The following TMOD1 variants were observed in gnomAD, a reference collection of about 807,000 sequenced individuals.
TMOD1 encodes the protein tropomodulin 1.
A neutral mutation model predicts 40.6 loss-of-function variants in TMOD1; 17 were observed. The observed-to-expected ratio is 0.42, with a 90% CI of 0.29 to 0.63. TMOD1 has a LOEUF of 0.63. Ranked by LOEUF, TMOD1 falls within the 20% of genes least tolerant of loss-of-function variation. TMOD1 has a pLI of 0.22. For synonymous variants in TMOD1, 181 were observed against 175.0 expected (o/e 1.03, Z -0.27); for missense variants, 391 against 447.6 (o/e 0.87, Z 1.14).
chr9:97,579,089 G>T (rs540676771), intron 8 of TMOD1, among the ~76,000 whole-genome samples: 1 of 152,136 alleles, frequency 6.6e-6, no homozygotes, highest in Admixed American at 6.5e-5. Context: ...CAGAGGGGCC[G>T]GTGGAATTTC....
At chr9:97,522,447 A>ATCTG (rs1177047263) in intron 1 of TMOD1, among the ~76,000 whole-genome samples, 1 of 152,210 alleles carries the variant, frequency 6.6e-6, no homozygotes, top group Non-Finnish European at 1.5e-5. Flanking sequence ...AACTACTTAT[A>ATCTG]TCTGCAATGA....
At chr9:97,539,005 AAAAACAAAAC>A (rs372211723) in intron 2 of TMOD1, among the ~76,000 whole-genome samples, 4,562 of 152,034 alleles carry the variant, frequency 0.03, 223 homozygotes, top group African/African-American at 0.11. Flanking sequence ...ACTCCATCTC[AAAAACAAAAC>A]AAAACAAAAC....
chr9:97,514,855 C>T (rs1829775173), intron 1 of TMOD1, among the ~76,000 whole-genome samples: 1 of 152,224 alleles, frequency 6.6e-6, no homozygotes, highest in South Asian at 2.1e-4. Flanking sequence ...TGGATCGGGG[C>T]AGACAAGAAG....
At chr9:97,506,315 G>A (rs1253743625) in intron 1 of TMOD1, among the ~76,000 whole-genome samples, 1 of 152,102 alleles carries the variant, frequency 6.6e-6, no homozygotes, top group Admixed American at 6.5e-5. Flanking sequence ...CCCTGAGGAC[G>A]AGGTTTCTGA....
intron 2 of TMOD1, among the ~76,000 whole-genome samples, chr9:97,529,066 G>T (rs57410156): frequency 6.6e-6 from 1 of 152,240 alleles, no homozygotes; most frequent in Non-Finnish European, 1.5e-5. Flanking sequence ...GAGCCACTGC[G>T]TGTGGGTCTG....
chr9:97,545,113 G>A (rs1830341328), intron 2 of TMOD1, among the ~76,000 whole-genome samples: 1 of 152,070 alleles, frequency 6.6e-6, no homozygotes. Context: ...AGCCACCCAT[G>A]TATTCCTCTA....
chr9:97,564,184 T>G lies in TMOD1; in HGVS notation c.618+16T>G, dbSNP rs778915875. The G allele has an allele frequency of 1.3e-6, 2 of 1,573,772 alleles. No homozygotes were observed. The highest frequency in any genetic ancestry group is 1.7e-6 in the Non-Finnish European group (2 of 1,158,688). On this transcript the variant is annotated intron_variant, in intron 6 of 9. Coordinates refer to ENST00000259365, the MANE Select transcript of TMOD1 (RefSeq NM_003275.4). ...TAATATCCGGGTAAGGTCCATTTATTTCACTTTACCTGTGTGTGGCTGGGG... is the reference window on the plus strand; with the variant it reads ...TAATATCCGGGTAAGGTCCATTTATGTCACTTTACCTGTGTGTGGCTGGGG...
intron 7 of TMOD1, 57 bp from the exon 8 acceptor site, chr9:97,568,837 C>T (rs1830773869): frequency 6.2e-7 from 1 of 1,600,900 alleles, no homozygotes; most frequent in African/African-American, 1.3e-5. Flanking sequence ...CCCAGAGGGG[C>T]CTCCAGCCTT....
chr9:97,593,011 A>G (rs1826033264), intron 9 of TMOD1, among the ~76,000 whole-genome samples: 1 of 152,220 alleles, frequency 6.6e-6, no homozygotes. Context: ...TCATAGCTAA[A>G]CTGAATGGTT....
intron 1 of TMOD1, among the ~76,000 whole-genome samples, chr9:97,507,147 G>A (rs1015027450): frequency 1.3e-5 from 2 of 152,030 alleles, no homozygotes; most frequent in African/African-American, 4.8e-5. Flanking sequence ...CAAAATCAAG[G>A]GCTCTTTCTG....
intron 8 of TMOD1, among the ~76,000 whole-genome samples, chr9:97,569,330 T>C (rs1830784222): frequency 6.6e-6 from 1 of 152,224 alleles, no homozygotes; most frequent in Non-Finnish European, 1.5e-5. Flanking sequence ...TTCTTCCTTA[T>C]ATCCGGTAGA....
chr9:97,503,252 A>ACT (rs1216745960), intron 1 of TMOD1, among the ~76,000 whole-genome samples: 1 of 151,798 alleles, frequency 6.6e-6, no homozygotes, highest in Non-Finnish European at 1.5e-5. Flanking sequence ...CACCCTTCCC[A>ACT]CTGCTCAGGC....
At chr9:97,590,063 CT>C (rs914146227) in intron 8 of TMOD1, among the ~76,000 whole-genome samples, 4 of 150,002 alleles carry the variant, frequency 2.7e-5, no homozygotes, top group South Asian at 2.1e-4. Context: ...GGTTTTTTTT[CT>C]TTTTTTTTCT....
intron 1 of TMOD1, among the ~76,000 whole-genome samples, chr9:97,514,096 C>T (rs1434755479): frequency 6.6e-6 from 1 of 151,798 alleles, no homozygotes; most frequent in Non-Finnish European, 1.5e-5. Flanking sequence ...GAGTCTCACT[C>T]TGTTGTCCAG....
chr9:97,569,248 T>C (rs1017525317), intron 8 of TMOD1, among the ~76,000 whole-genome samples: 3 of 152,190 alleles, frequency 2.0e-5, no homozygotes, highest in East Asian at 1.9e-4. Flanking sequence ...CCAGTTCTGA[T>C]TGAGTCCCTC....
At chr9:97,592,910 A>T (rs761236139) in intron 9 of TMOD1, among the ~76,000 whole-genome samples, 1 of 152,230 alleles carries the variant, frequency 6.6e-6, no homozygotes, top group Non-Finnish European at 1.5e-5. Context: ...AAATGTGTGC[A>T]GAGTCTTGGT....
intron 1 of TMOD1, among the ~76,000 whole-genome samples, chr9:97,506,298 A>T (rs1046612455): frequency 6.6e-6 from 1 of 152,210 alleles, no homozygotes; most frequent in Non-Finnish European, 1.5e-5. Flanking sequence ...TGGCTAGACT[A>T]AAAGCTCCCT....
chr9:97,571,596 CAA>C (rs1830818594), intron 8 of TMOD1, among the ~76,000 whole-genome samples: 1 of 152,218 alleles, frequency 6.6e-6, no homozygotes, highest in Admixed American at 6.5e-5. Context: ...TTAATGTTCA[CAA>C]AGACTCTGTA....
intron 4 of TMOD1, among the ~76,000 whole-genome samples, chr9:97,556,403 G>A (rs1423196921): frequency 6.6e-6 from 1 of 152,216 alleles, no homozygotes; most frequent in Non-Finnish European, 1.5e-5. Flanking sequence ...AGGCCCACCA[G>A]AGAGTGGTGG....
Sources: gnomAD v4.1 joint callset for allele counts (sites outside exome capture counted in the v4.1 genomes callset) on GRCh38, gnomAD v4.1.1 for gene constraint, MANE v1.5 for transcripts, NCBI Gene and HGNC (gene_info 2026-07-23, HGNC 2026-07-21) for gene names.